NFIA: variants seen among roughly 807,000 people sequenced by gnomAD.
NFIA encodes the protein nuclear factor I A.
Under a neutral mutation model 62.8 loss-of-function variants are expected in NFIA, and 8 were observed. The observed-to-expected ratio is 0.13, with a 90% CI of 0.07 to 0.23. The LOEUF is 0.23. NFIA is among the 10% of genes least tolerant of loss of function. The pLI is 1.00. For missense variants in NFIA, 410 were observed against 642.1 expected, an observed-to-expected ratio of 0.64 and a Z score of 3.91; for synonymous variants, 235 against 238.1, an observed-to-expected ratio of 0.99 and a Z score of 0.12.
intron 2 of NFIA, among the ~76,000 whole-genome samples, chr1:61,163,607 T>C (rs1360092495): frequency 6.6e-6 from 1 of 152,184 alleles, no homozygotes; most frequent in Non-Finnish European, 1.5e-5. Flanking sequence ...TGGTGTGCTA[T>C]GGAAGCGAAA....
At chr1:61,128,341 GATCTTCAGGCCTGTA>G (rs1300000086) in intron 2 of NFIA, among the ~76,000 whole-genome samples, 2 of 152,034 alleles carry the variant, frequency 1.3e-5, no homozygotes, top group Admixed American at 6.6e-5. Flanking sequence ...CAAAAATGAT[GATCTTCAGGCCTGTA>G]ATCCCAGAAC....
intron 2 of NFIA, among the ~76,000 whole-genome samples, chr1:61,229,001 C>G (rs1654502113): frequency 6.6e-6 from 1 of 151,708 alleles, no homozygotes; most frequent in Non-Finnish European, 1.5e-5. Flanking sequence ...CTTATAAGAA[C>G]CCATTAATAA....
intron 2 of NFIA, among the ~76,000 whole-genome samples, chr1:61,102,314 A>C (rs1205165111): frequency 6.6e-6 from 1 of 152,214 alleles, no homozygotes; most frequent in Non-Finnish European, 1.5e-5. Context: ...TCCTTCAGAG[A>C]AAGAGAAAAC....
intron 2 of NFIA, among the ~76,000 whole-genome samples, chr1:61,149,364 A>G (rs1278356078): frequency 6.6e-6 from 1 of 152,148 alleles, no homozygotes. Flanking sequence ...CTTTTCTACT[A>G]CACTTCTTTT....
chr1:61,222,497 A>G (rs1265605190), intron 2 of NFIA, among the ~76,000 whole-genome samples: 1 of 152,062 alleles, frequency 6.6e-6, no homozygotes, highest in Non-Finnish European at 1.5e-5. Context: ...CCAGGAGTTT[A>G]AAGGTTGAGT....
At chr1:61,082,261 C>G (rs1201013668), upstream of NFIA, 5 of 454,916 alleles carry the variant, frequency 1.1e-5, no homozygotes, top group Non-Finnish European at 1.8e-5. Flanking sequence ...AAGGAGCGAG[C>G]CACGGAGAGA....
chr1:61,447,778 C>T (rs1221977109), intron 10 of NFIA, among the ~76,000 whole-genome samples: 2 of 152,110 alleles, frequency 1.3e-5, no homozygotes, highest in African/African-American at 2.4e-5. Context: ...TTGAAATATT[C>T]CCTTTGAACT....
intron 8 of NFIA, 27 bp from the exon 9 acceptor site, chr1:61,406,535 T>C: frequency 6.6e-7 from 1 of 1,506,482 alleles, no homozygotes; most frequent in Non-Finnish European, 9.0e-7. Context: ...CTTGTACGTG[T>C]GTTTTCTGCC....
At chr1:61,289,623 T>A (rs755058992) in intron 3 of NFIA, among the ~76,000 whole-genome samples, 1 of 152,232 alleles carries the variant, frequency 6.6e-6, no homozygotes, top group African/African-American at 2.4e-5. Flanking sequence ...AACTTTTATT[T>A]TCTAATGTAT....
chr1:61,243,734 A>G (rs1655480944), intron 2 of NFIA, among the ~76,000 whole-genome samples: 1 of 152,230 alleles, frequency 6.6e-6, no homozygotes, highest in Admixed American at 6.5e-5. Context: ...GATTTATAGT[A>G]TAAAATGCCA....
intron 3 of NFIA, among the ~76,000 whole-genome samples, chr1:61,312,866 T>C (rs1410815328): frequency 6.6e-6 from 1 of 152,138 alleles, no homozygotes; most frequent in Non-Finnish European, 1.5e-5. Context: ...TCTCATTAGA[T>C]GTTAAAAAAA....
At chr1:61,391,085 G>GTC (rs935495573) in intron 7 of NFIA, among the ~76,000 whole-genome samples, 7 of 151,886 alleles carry the variant, frequency 4.6e-5, no homozygotes, top group African/African-American at 7.3e-5. Context: ...TTGAGACAGG[G>GTC]TCTCTCTCTC....
intron 2 of NFIA, among the ~76,000 whole-genome samples, chr1:61,140,082 C>T (rs958085306): frequency 2.6e-5 from 4 of 152,054 alleles, no homozygotes; most frequent in African/African-American, 9.7e-5. Context: ...AGACCACTCA[C>T]CCCCTAAACT....
At chr1:61,389,967 C>T (rs900399345) in intron 7 of NFIA, among the ~76,000 whole-genome samples, 3 of 152,124 alleles carry the variant, frequency 2.0e-5, no homozygotes, top group Non-Finnish European at 2.9e-5. Flanking sequence ...CAGGCTCTTA[C>T]AGTGTACAAG....
At chr1:61,261,383 A>G (rs1017850612) in intron 2 of NFIA, among the ~76,000 whole-genome samples, 1 of 152,234 alleles carries the variant, frequency 6.6e-6, no homozygotes, top group African/African-American at 2.4e-5. Context: ...ACAGTATTCA[A>G]TAAATTACAT....
chr1:61,312,649 G>A (rs1475531013), intron 3 of NFIA, among the ~76,000 whole-genome samples: 1 of 152,002 alleles, frequency 6.6e-6, no homozygotes, highest in African/African-American at 2.4e-5. Flanking sequence ...ACAGGTGCAT[G>A]CCACCATGCC....
chr1:61,395,142 T>C (rs1440445702), intron 7 of NFIA, among the ~76,000 whole-genome samples: 1 of 152,096 alleles, frequency 6.6e-6, no homozygotes, highest in Non-Finnish European at 1.5e-5. Context: ...GCCTATGCTT[T>C]AGTAATCATG....
intron 2 of NFIA, among the ~76,000 whole-genome samples, chr1:61,141,811 A>G (rs1287153923): frequency 6.6e-6 from 1 of 152,226 alleles, no homozygotes; most frequent in African/African-American, 2.4e-5. Flanking sequence ...CTGACATGTC[A>G]AAGGCTATTG....
chr1:61,408,907 G>T (rs1329219416), intron 9 of NFIA, among the ~76,000 whole-genome samples: 2 of 152,184 alleles, frequency 1.3e-5, no homozygotes, highest in Non-Finnish European at 2.9e-5. Context: ...CTCCAGGCTT[G>T]GGTAATGGTA....
Sources: gnomAD v4.1 joint callset for allele counts (sites outside exome capture counted in the v4.1 genomes callset) on GRCh38, gnomAD v4.1.1 for gene constraint, MANE v1.5 for transcripts, NCBI Gene and HGNC (gene_info 2026-07-23, HGNC 2026-07-21) for gene names.